Variants in FYN observed in about 807,000 individuals in gnomAD.
FYN encodes FYN proto-oncogene, Src family tyrosine kinase.
In FYN, 10 loss-of-function variants were observed where a neutral mutation model predicts 70.2. The observed-to-expected ratio is 0.14, with a 90% confidence interval of 0.09 to 0.24. FYN has a LOEUF of 0.24. Among genes scored for constraint, FYN ranks in the 10% least tolerant of loss-of-function variants. FYN has a pLI of 1.00. For missense variants in FYN, 319 were observed against 673.1 expected (o/e 0.47, Z 5.82); for synonymous variants, 236 against 248.6 (o/e 0.95, Z 0.48).
chr6:111,761,359 C>A (rs994554423), intron 3 of FYN, among the ~76,000 whole-genome samples: 2 of 152,346 alleles, frequency 1.3e-5, no homozygotes, highest in Middle Eastern at 3.4e-3. Flanking sequence ...CTAGCCTGTA[C>A]TGCCAAAAGA....
chr6:111,805,568 CCCTCCTACACTGG>C (rs1199090422), intron 2 of FYN, among the ~76,000 whole-genome samples: 1 of 152,092 alleles, frequency 6.6e-6, no homozygotes, highest in African/African-American at 2.4e-5. Context: ...GTTCCTTCTG[CCCTCCTACACTGG>C]CCCCCTTTCT....
At chr6:111,714,165 T>C (rs1458956577) in intron 5 of FYN, among the ~76,000 whole-genome samples, 182 bp downstream of exon 5, 4 of 152,214 alleles carry the variant, frequency 2.6e-5, no homozygotes, top group Non-Finnish European at 2.9e-5. Context: ...GGACACACAG[T>C]GCCATAAAAT....
At chr6:111,717,773 C>CT (rs1045627643) in intron 4 of FYN, among the ~76,000 whole-genome samples, 1 of 152,090 alleles carries the variant, frequency 6.6e-6, no homozygotes, top group Non-Finnish European at 1.5e-5. Context: ...CAGAGTCCAC[C>CT]TTTTTTACCA....
At chr6:111,705,465 A>G (rs1015830167) in intron 6 of FYN, among the ~76,000 whole-genome samples, 1 of 150,116 alleles carries the variant, frequency 6.7e-6, no homozygotes, top group Admixed American at 6.7e-5. Context: ...AGCTCACTGC[A>G]GCCTTGACCT....
At chr6:111,769,196 A>G (rs1328961258) in intron 3 of FYN, among the ~76,000 whole-genome samples, 1 of 152,234 alleles carries the variant, frequency 6.6e-6, no homozygotes, top group African/African-American at 2.4e-5. Context: ...TTGCAGTGCC[A>G]TCCTTCAGTT....
chr6:111,736,370 T>C (rs141004484), intron 3 of FYN, among the ~76,000 whole-genome samples: 48 of 152,314 alleles, frequency 3.2e-4, no homozygotes, highest in African/African-American at 1.1e-3. Context: ...TACTCACATA[T>C]ACAGGCTTAG....
intron 3 of FYN, among the ~76,000 whole-genome samples, chr6:111,726,730 C>T (rs1801209104): frequency 6.6e-6 from 1 of 152,310 alleles, no homozygotes; most frequent in Admixed American, 6.5e-5. Context: ...GTTGTGTCCC[C>T]AGCCAAATCT....
rs542231281 is a variant in FYN, at chr6:111,766,783, C to T, written c.-12+13783G>A. 3.3e-4 allele frequency among the ~76,000 whole-genome samples: 51 copies of T among 152,256 alleles called. 3 individuals are homozygous for T. In the South Asian group the frequency reaches 0.011, roughly 32 times the overall value. On this transcript the variant is annotated intron_variant, in intron 3 of 13. Coordinates refer to ENST00000354650, the MANE Select transcript of FYN (RefSeq NM_002037.5). ...AACAGCAGCACGGGGGTAACTGCCC[C>T]TAAGATTCAATTACTTCCCACCGGG...
At position 111,678,892 on chromosome 6, in the gene FYN, C is replaced by T. The variant is rs140240459; in HGVS notation, c.1274-4262G>A. On this transcript the variant is annotated intron_variant, in intron 12 of 13. Coordinates refer to ENST00000354650, the MANE Select transcript of FYN (RefSeq NM_002037.5). Reference sequence around the variant, plus strand: ...CTGTGCTCTCCTGCTTTGTCCCTGCCCGTGTCAGGTCCATTACATCCTGAC... The same window carrying T: ...CTGTGCTCTCCTGCTTTGTCCCTGCTCGTGTCAGGTCCATTACATCCTGAC... Among the ~76,000 whole-genome samples, 1,263 of 152,262 alleles carry T rather than the reference C, an allele frequency of 8.3e-3. 15 individuals carry two copies. Among genetic ancestry groups the T allele is most frequent in the African/African-American group, 0.029 (1,188 of 41,548 alleles).
In FYN at chr6:111,776,771, G is replaced by A. The variant is rs189248200; in HGVS notation, c.-12+3795C>T. ...CTATAATTAGGTAAAGTCTTTTGCAGTGGGTTGTCCTATATCATAAATTGA... is the reference window on the plus strand; with the variant it reads ...CTATAATTAGGTAAAGTCTTTTGCAATGGGTTGTCCTATATCATAAATTGA... On this transcript the variant is annotated intron_variant, in intron 3 of 13. Transcript: ENST00000354650. Among the ~76,000 whole-genome samples the A allele has an allele frequency of 1.5e-4, 23 of 152,304 alleles. No individual in the cohort carries two copies. The East Asian group carries it at 4.4e-3, about 29-fold the overall frequency.
intron 2 of FYN, among the ~76,000 whole-genome samples, chr6:111,837,763 G>C (rs1231401966): frequency 6.6e-6 from 1 of 151,590 alleles, no homozygotes; most frequent in Non-Finnish European, 1.5e-5. Context: ...TGGTGAGACG[G>C]TCAGGACTTC....
chr6:111,787,337 T>C (rs141642343), intron 2 of FYN, among the ~76,000 whole-genome samples: 8 of 152,184 alleles, frequency 5.3e-5, no homozygotes, highest in African/African-American at 1.9e-4. Flanking sequence ...TTTCCCCATT[T>C]CTTGTTTCTG....
intron 13 of FYN, among the ~76,000 whole-genome samples, chr6:111,663,035 G>A (rs1169858298): frequency 6.6e-6 from 1 of 152,238 alleles, no homozygotes; most frequent in Admixed American, 6.5e-5. Context: ...ACCATGCTTA[G>A]GGGGTGGCCA....
At chr6:111,807,466 T>C (rs1394691988) in intron 2 of FYN, among the ~76,000 whole-genome samples, 3 of 152,240 alleles carry the variant, frequency 2.0e-5, no homozygotes, top group Non-Finnish European at 2.9e-5. Context: ...TATTATACTG[T>C]ATTTTTAAAG....
At chr6:111,825,541 T>A (rs1035899276) in intron 2 of FYN, among the ~76,000 whole-genome samples, 2 of 152,218 alleles carry the variant, frequency 1.3e-5, no homozygotes, top group Non-Finnish European at 2.9e-5. Context: ...TTAAATTATA[T>A]AAGGTAAGAT....
At chr6:111,663,985 TG>T (rs1387261610) in intron 13 of FYN, among the ~76,000 whole-genome samples, 1 of 152,212 alleles carries the variant, frequency 6.6e-6, no homozygotes, top group African/African-American at 2.4e-5. Flanking sequence ...ATCAAGTTTT[TG>T]TAACTCACTT....
intron 3 of FYN, among the ~76,000 whole-genome samples, chr6:111,743,642 A>G (rs941241547): frequency 1.3e-5 from 2 of 152,236 alleles, no homozygotes; most frequent in African/African-American, 4.8e-5. Flanking sequence ...TGAAAGGAAG[A>G]TAAGTGGGAA....
intron 1 of FYN, among the ~76,000 whole-genome samples, chr6:111,871,788 A>G (rs1774281855): frequency 6.6e-6 from 1 of 152,258 alleles, no homozygotes; most frequent in Admixed American, 6.5e-5. Context: ...AAAGTAAAGC[A>G]ACTCTTAAGA....
At chr6:111,824,526 C>CT (rs1169880057) in intron 2 of FYN, among the ~76,000 whole-genome samples, 1 of 152,202 alleles carries the variant, frequency 6.6e-6, no homozygotes, top group Non-Finnish European at 1.5e-5. Context: ...GCCCATGACT[C>CT]TGTACCTTTG....
Sources: allele counts gnomAD v4.1 joint callset (sites outside exome capture counted in the v4.1 genomes callset), GRCh38; gene constraint gnomAD v4.1.1; transcripts MANE v1.5; gene names NCBI Gene and HGNC (gene_info 2026-07-23, HGNC 2026-07-21).